Variants in SASH1 observed in about 807,000 individuals in gnomAD.
SASH1 encodes the protein SAM and SH3 domain-containing protein 1.
Under a neutral mutation model 125.2 loss-of-function variants are expected in SASH1, and 44 were observed. The ratio of observed to expected loss-of-function variants is 0.35; its 90% CI spans 0.28 to 0.45. SASH1 has a LOEUF of 0.45. Among genes scored for constraint, SASH1 ranks in the 20% least tolerant of loss-of-function variants. SASH1 has a pLI of 1.00. For synonymous variants in SASH1, 639 were observed against 649.1 expected (o/e 0.98, Z 0.24); for missense variants, 1,426 against 1,614.5 (o/e 0.88, Z 2.00).
chr6:148,301,627 G>T (rs1779947904), intron 1 of SASH1, among the ~76,000 whole-genome samples: 1 of 151,792 alleles, frequency 6.6e-6, no homozygotes, highest in Admixed American at 6.6e-5. Flanking sequence ...GGCCCAGGCT[G>T]GAGTGCAGTG....
intron 1 of SASH1, among the ~76,000 whole-genome samples, chr6:148,361,472 C>T (rs1782201515): frequency 6.6e-6 from 1 of 152,024 alleles, no homozygotes; most frequent in Admixed American, 6.6e-5. Context: ...CGTGGTGGTG[C>T]ATGCCTGTAG....
At chr6:148,234,551 C>A in the SASH1 span, among the ~76,000 whole-genome samples, 6 of 151,882 alleles carry the variant, frequency 4.0e-5, no homozygotes, top group Non-Finnish European at 2.9e-5. Flanking sequence ...ACTGGCCGGG[C>A]GTGGTGGCTC....
chr6:148,407,482 G>C (rs548283111), intron 2 of SASH1, among the ~76,000 whole-genome samples: 10 of 152,218 alleles, frequency 6.6e-5, no homozygotes, highest in Admixed American at 4.6e-4. Flanking sequence ...TCCACCAACA[G>C]CCAGTTGGGT....
In SASH1 at chr6:148,533,651, AC is replaced by A; in HGVS notation, c.1735-116del. The A allele has an allele frequency of 1.1e-6, 1 of 912,270 alleles. No homozygotes were observed. The highest frequency in any genetic ancestry group is 1.7e-6 in the Non-Finnish European group (1 of 586,274). The allele number at this position is 912,270 out of a possible 1,614,324, so 56.5% of individuals were successfully genotyped here. A position where few individuals can be genotyped will look rare whatever the true frequency, so the allele number is the denominator to read the frequency against. ...GTCACTCAGAGGGGTGACTTGTGGG[AC>A]CCCGATTCTGGCCTTTGTGGCATCT... On this transcript the variant is annotated intron_variant, in intron 14 of 19. Transcript: ENST00000367467. The surrounding 1 kb of genome is among the most constrained non-coding windows in gnomAD (Gnocchi z 6.2).
At chr6:148,247,691 C>A in the SASH1 span, among the ~76,000 whole-genome samples, 4 of 152,140 alleles carry the variant, frequency 2.6e-5, no homozygotes, top group Non-Finnish European at 4.4e-5. Flanking sequence ...AAACAATAAA[C>A]CTTTATGAGT....
At chr6:148,488,339 T>C (rs1461147380) in intron 8 of SASH1, among the ~76,000 whole-genome samples, 1 of 152,250 alleles carries the variant, frequency 6.6e-6, no homozygotes, top group African/African-American at 2.4e-5. Flanking sequence ...TTTTTATGGA[T>C]AAATAATATT....
chr6:148,479,601 C>A, intron 7 of SASH1: 1 of 158,538 alleles, frequency 6.3e-6, no homozygotes. Flanking sequence ...TTTCTGAGCT[C>A]ATAATTTGAT....
intron 8 of SASH1, among the ~76,000 whole-genome samples, chr6:148,506,573 G>A (rs1408781757): frequency 1.3e-5 from 2 of 152,120 alleles, no homozygotes; most frequent in East Asian, 1.9e-4. Flanking sequence ...CAACCACAAC[G>A]TAAGAAAAGT....
Position 148,519,851 on chromosome 6 carries a change from C to G in SASH1, c.1167C>G (p.Thr389=). Reference sequence around the variant, plus strand: ...CCCAGAAAGTGTCCCGCTCCCTCACCGAGGGGGAGATGAAGAAGGGTCTCG... The same window carrying G: ...CCCAGAAAGTGTCCCGCTCCCTCACGGAGGGGGAGATGAAGAAGGGTCTCG... ...EKAQKVSRSL[T]EGEMKKGLGS... is the part of the protein sequence containing the mutation. The change falls in exon 10 of 20, where the codon ACC becomes ACG. Residue 389 remains threonine (T), a synonymous_variant. Transcript: ENST00000367467. The surrounding 1 kb of genome is among the most constrained non-coding windows in gnomAD (Gnocchi z 4.8). 6.2e-7 allele frequency: 1 copy of G among 1,602,702 alleles called. No homozygotes were observed.
At chr6:148,415,195 G>A (rs1562392019) in intron 2 of SASH1, among the ~76,000 whole-genome samples, 1 of 152,116 alleles carries the variant, frequency 6.6e-6, no homozygotes, top group Non-Finnish European at 1.5e-5. Context: ...AGTGCTATTG[G>A]TGTGTGCATG....
chr6:148,210,968 A>T, the SASH1 span, among the ~76,000 whole-genome samples: 4 of 152,198 alleles, frequency 2.6e-5, no homozygotes, highest in Non-Finnish European at 4.4e-5. Context: ...AACATTGTTG[A>T]GTGGAAGAGC....
intron 1 of SASH1, among the ~76,000 whole-genome samples, chr6:148,381,395 A>G (rs1470816255): frequency 6.6e-6 from 1 of 151,966 alleles, no homozygotes; most frequent in East Asian, 1.9e-4. Context: ...CGCGACTTTA[A>G]CTCTGTCCTA....
intron 8 of SASH1, among the ~76,000 whole-genome samples, chr6:148,512,271 G>A (rs6917189): frequency 0.17 from 26,545 of 152,082 alleles, 2,455 homozygotes; most frequent in East Asian, 0.32. Context: ...TCCCACCTCG[G>A]CCTCCCAAAG....
At chr6:148,240,018 G>A in the SASH1 span, 5 of 152,344 alleles carry the variant, frequency 3.3e-5, no homozygotes, top group Admixed American at 6.5e-5. Context: ...GGACACTGAC[G>A]TGTGGCAGTA....
chr6:148,427,363 T>A (rs1013880597), intron 2 of SASH1, among the ~76,000 whole-genome samples: 4 of 152,206 alleles, frequency 2.6e-5, no homozygotes, highest in South Asian at 2.1e-4. Context: ...TTTTTTAGGA[T>A]AACTAAAATG....
intron 4 of SASH1, among the ~76,000 whole-genome samples, chr6:148,448,550 C>G (rs948719741): frequency 2.0e-5 from 3 of 152,028 alleles, no homozygotes; most frequent in Non-Finnish European, 4.4e-5. Flanking sequence ...GACTTTGCCA[C>G]CAAGTTTCGA....
At chr6:148,263,652 C>T in the SASH1 span, among the ~76,000 whole-genome samples, 3 of 152,272 alleles carry the variant, frequency 2.0e-5, no homozygotes, top group South Asian at 4.1e-4. Flanking sequence ...TACAAGCCCC[C>T]GTTTTTGGAG....
chr6:148,449,035 TGC>T (rs1554258768), intron 4 of SASH1, among the ~76,000 whole-genome samples: 1 of 150,182 alleles, frequency 6.7e-6, no homozygotes. Context: ...CATTTTGTGT[TGC>T]TGTGATAGAA....
the SASH1 span, among the ~76,000 whole-genome samples, chr6:148,229,067 G>T: frequency 3.8e-5 from 5 of 131,886 alleles, no homozygotes; most frequent in African/African-American, 1.4e-4. Context: ...CTGGGAGGCA[G>T]ATGTTGCAGT....
Sources: gnomAD v4.1 joint callset for allele counts (sites outside exome capture counted in the v4.1 genomes callset) on GRCh38, gnomAD v4.1.1 for gene constraint, Gnocchi (gnomAD v3.1) non-coding constraint, MANE v1.5 for transcripts, NCBI Gene and HGNC (gene_info 2026-07-23, HGNC 2026-07-21) for gene names.